ATP12A: variants seen among roughly 807,000 people sequenced by gnomAD.
The protein encoded by ATP12A is ATPase H+/K+ transporting non-gastric alpha2 subunit.
Under a neutral mutation model 111.2 loss-of-function variants are expected in ATP12A, and 81 were observed. The observed-to-expected ratio is 0.73, with a 90% CI of 0.61 to 0.88. The LOEUF is 0.88. Among genes scored for constraint, ATP12A ranks in the 40% least tolerant of loss-of-function variants. The pLI, the probability that ATP12A is intolerant of heterozygous loss-of-function variation, is 0.00. For synonymous variants in ATP12A, 498 were observed against 499.8 expected (o/e 1.00, Z 0.05); for missense variants, 1,196 against 1,313.1 (o/e 0.91, Z 1.38).
At position 24,711,348 on chromosome 13, in the gene ATP12A, C is replaced by T. The variant is rs769294165; in HGVS notation, c.3030C>T (p.His1010=). The T allele has an allele frequency of 1.2e-5, 19 of 1,607,694 alleles. No homozygotes were observed. The highest frequency in any genetic ancestry group is 8.0e-5 in the African/African-American group (6 of 74,858). The change falls in exon 22 of 23, where the codon CAC becomes CAT. Residue 1010 remains histidine, a synonymous_variant. Coordinates refer to ENST00000381946, the MANE Select transcript of ATP12A (RefSeq NM_001676.7). ...AGTACTGGTTTGTGGCTGTGCCGCA[C>T]GCCATCCTGATCTGGGTGTATGATG... is the stretch of plus-strand genomic sequence containing the variant. ...RAQYWFVAVP[H]AILIWVYDEV...
At chr13:24,681,859 T>G in intron 2 of ATP12A, 139 bp downstream of exon 2, 1 of 1,170,514 alleles carries the variant, frequency 8.5e-7, no homozygotes, top group South Asian at 1.4e-5. Flanking sequence ...GTGTGTGGTG[T>G]CTGCGTGGTG....
At chr13:24,683,381 T>G (rs1874552918) in intron 2 of ATP12A, among the ~76,000 whole-genome samples, 1 of 152,236 alleles carries the variant, frequency 6.6e-6, no homozygotes, top group Non-Finnish European at 1.5e-5. Flanking sequence ...CCCACCGTCC[T>G]TGGCAGATCT....
In ATP12A at chr13:24,698,737, A is replaced by G; in HGVS notation, c.1592A>G (p.Glu531Gly). The change falls in exon 12 of 23, where the codon GAG becomes GGG. Residue 531 changes from glutamate (E) to glycine (G), a missense_variant. Transcript: ENST00000381946. ...AAGGGGGCCCCTGAGCGCATCCTAGAGAAATGCAGCACCATCATGATCAAC... is the reference window on the plus strand; with the variant it reads ...AAGGGGGCCCCTGAGCGCATCCTAGGGAAATGCAGCACCATCATGATCAAC... Reference protein sequence around the residue: ...VMKGAPERILEKCSTIMINGE... With the variant: ...VMKGAPERILGKCSTIMINGE... 1.2e-6 allele frequency: 2 copies of G among 1,614,070 alleles called. No homozygotes were observed. Among genetic ancestry groups the G allele is most frequent in the Non-Finnish European group, 1.7e-6 (2 of 1,180,024 alleles).
chr13:24,680,857 G>C, intron 1 of ATP12A, 105 bp downstream of exon 1: 1 of 1,383,188 alleles, frequency 7.2e-7, no homozygotes, highest in Non-Finnish European at 9.3e-7. Flanking sequence ...GAGGAGAAAC[G>C]CCCCGTCCCG....
At chr13:24,708,942 A>AAAGGAAGAAAGG in intron 17 of ATP12A, among the ~76,000 whole-genome samples, 2 of 107,860 alleles carry the variant, frequency 1.9e-5, no homozygotes, top group African/African-American at 8.0e-5. Context: ...AGAAAGAAAG[A>AAAGGAAGAAAGG]AAGAAAGAAA....
chr13:24,709,520 AG>A, intron 18 of ATP12A, 33 bp downstream of exon 18: 1 of 1,607,706 alleles, frequency 6.2e-7, no homozygotes, highest in East Asian at 2.2e-5. Flanking sequence ...CCATCACACG[AG>A]GGCCTGCCCC....
intron 4 of ATP12A, 79 bp from the exon 5 acceptor site, chr13:24,689,183 C>T: frequency 3.6e-6 from 4 of 1,121,236 alleles, no homozygotes; most frequent in Non-Finnish European, 5.4e-6. Flanking sequence ...ATTGCATCCT[C>T]CCGTGGAGAG....
chr13:24,698,279 TG>T, intron 11 of ATP12A, among the ~76,000 whole-genome samples: 1 of 152,000 alleles, frequency 6.6e-6, no homozygotes, highest in East Asian at 1.9e-4. Flanking sequence ...CAGAATAGTT[TG>T]GGTCTGAAAG....
intron 8 of ATP12A, among the ~76,000 whole-genome samples, chr13:24,691,548 A>G (rs1459379757): frequency 6.6e-6 from 1 of 152,162 alleles, no homozygotes; most frequent in Non-Finnish European, 1.5e-5. Context: ...CAGGTTTTCT[A>G]GAAGCTTGAT....
Position 24,711,532 on chromosome 13 carries a change from C to T in ATP12A, c.*10C>T, listed in dbSNP as rs1459854284. 1 of 1,614,156 alleles carries T rather than the reference C, an allele frequency of 6.2e-7. No individual in the cohort carries two copies. Among genetic ancestry groups the T allele is most frequent in the Admixed American group, 1.7e-5 (1 of 60,024 alleles). The stretch of plus-strand genomic sequence containing the variant: ...GAACATGTATTATTAAGACCACCTC[C>T]CTTCCTATGTCTCTCAGCAGCACGT... On this transcript the variant is annotated 3_prime_UTR_variant, in exon 23 of 23. Transcript: ENST00000381946.
intron 2 of ATP12A, among the ~76,000 whole-genome samples, chr13:24,684,019 C>T (rs1874577546): frequency 6.6e-6 from 1 of 152,108 alleles, no homozygotes. Flanking sequence ...CTGTGCTAGT[C>T]CAGTGCTGGC....
chr13:24,688,355 C>G lies in ATP12A; in HGVS notation c.265C>G (p.Arg89Gly), dbSNP rs371217996. Residue 89 changes from arginine (R) to glycine (G), a missense_variant, in exon 4 of 23, where the codon CGG (arginine) becomes GGG (glycine). Physicochemically the swap from Arg to Gly is moderately radical, Grantham distance 125. This residue lies in a region of ATP12A where 1,126 missense variants were observed against 1,228.5 expected (regional missense o/e 0.92). Transcript: ENST00000381946. ...SSTRAAELLA[R>G]DGPNSLTPPK... ...CACCAGAGCTGCCGAGCTCCTGGCC[C>G]GGGATGGGCCCAACTCCCTCACCCC... 8.1e-6 allele frequency: 13 copies of G among 1,613,902 alleles called. No homozygotes were observed. The Middle Eastern group carries it at 5.0e-4, about 62-fold the overall frequency.
intron 5 of ATP12A, 40 bp from the exon 6 acceptor site, chr13:24,690,297 CT>C (rs1262544964): frequency 1.2e-6 from 2 of 1,607,854 alleles, no homozygotes; most frequent in Non-Finnish European, 1.7e-6. Context: ...GGCCGGTGTC[CT>C]TCCAGGGTCT....
chr13:24,695,065 C>T lies in ATP12A; in HGVS notation c.1512+487C>T, dbSNP rs148128903. On this transcript the variant is annotated intron_variant, in intron 11 of 22. Transcript: ENST00000381946. Reference sequence around the variant, plus strand: ...CATCCGGCCTGTGAGGTAGGACTGACGAATCCTGACTCAGAGGAGGAAGCA... The same window carrying T: ...CATCCGGCCTGTGAGGTAGGACTGATGAATCCTGACTCAGAGGAGGAAGCA... 2.8e-4 allele frequency among the ~76,000 whole-genome samples: 43 copies of T among 152,324 alleles called. No individual in the cohort carries two copies. In the East Asian group the frequency reaches 4.4e-3, roughly 16 times the overall value.
In ATP12A at chr13:24,685,765, C is replaced by T. The variant is rs760092511; in HGVS notation, c.228+392C>T. Among the ~76,000 whole-genome samples the T allele has an allele frequency of 1.3e-5, 2 of 152,208 alleles. No individual in the cohort carries two copies. The highest frequency in any genetic ancestry group is 2.9e-5 in the Non-Finnish European group (2 of 68,036). ...GAAGGGGCCAGAGCCAGCTCTCGGG[C>T]TGCTGCCATGTTTGCGCTGGGACTC... On this transcript the variant is annotated intron_variant, in intron 3 of 22. Transcript: ENST00000381946. The surrounding 1 kb of genome is among the most constrained non-coding windows in gnomAD (Gnocchi z 5.5).
intron 3 of ATP12A, among the ~76,000 whole-genome samples, chr13:24,687,757 C>T (rs1874722771): frequency 6.6e-6 from 1 of 152,232 alleles, no homozygotes; most frequent in Admixed American, 6.5e-5. Flanking sequence ...ACTAAAGCCA[C>T]ATGCTCTCTG....
At chr13:24,703,847 T>C (rs1171177524) in intron 14 of ATP12A, among the ~76,000 whole-genome samples, 2 of 150,792 alleles carry the variant, frequency 1.3e-5, no homozygotes, top group Non-Finnish European at 3.0e-5. Context: ...TAGCAGATTT[T>C]TTTTTTTTTG....
intron 14 of ATP12A, chr13:24,704,200 G>A (rs1875518412): frequency 6.6e-6 from 1 of 152,226 alleles, no homozygotes; most frequent in Non-Finnish European, 1.5e-5. Flanking sequence ...GTTTCACGAT[G>A]TTGGCCAGGC....
intron 3 of ATP12A, among the ~76,000 whole-genome samples, chr13:24,687,142 A>G (rs922731867): frequency 6.6e-6 from 1 of 152,068 alleles, no homozygotes; most frequent in African/African-American, 2.4e-5. Context: ...CAGAAAAAGC[A>G]TGAGACCCGG....
Sources: gnomAD v4.1 joint callset for allele counts (sites outside exome capture counted in the v4.1 genomes callset) on GRCh38, gnomAD v4.1.1 for gene constraint, gnomAD v4.1.1 regional missense constraint, Gnocchi (gnomAD v3.1) non-coding constraint, MANE v1.5 for transcripts, NCBI Gene and HGNC (gene_info 2026-07-23, HGNC 2026-07-21) for gene names.